MBTPS1: variants seen among roughly 807,000 people sequenced by gnomAD.
The protein encoded by MBTPS1 is membrane-bound transcription factor site-1 protease.
A neutral mutation model predicts 127.8 loss-of-function variants in MBTPS1; 94 were observed. The observed-to-expected ratio is 0.74, with a 90% CI of 0.62 to 0.87. The LOEUF (loss-of-function observed/expected upper bound fraction) is 0.87, where lower values mean the gene tolerates loss of function less well. Ranked by LOEUF, MBTPS1 falls within the 40% of genes least tolerant of loss-of-function variation. The pLI is 0.00. For missense variants in MBTPS1, 1,636 were observed against 1,353.2 expected, an observed-to-expected ratio of 1.21 and a Z score of -3.28; for synonymous variants, 632 against 509.4, an observed-to-expected ratio of 1.24 and a Z score of -3.24.
intron 1 of MBTPS1, chr16:84,110,611 C>T (rs1192723271): frequency 6.6e-6 from 1 of 152,210 alleles, no homozygotes; most frequent in East Asian, 1.9e-4. Flanking sequence ...AGGTGCCATT[C>T]TAAGTAGTCT....
chr16:84,084,110 C>A (rs1297299217), intron 10 of MBTPS1, among the ~76,000 whole-genome samples: 1 of 152,192 alleles, frequency 6.6e-6, no homozygotes, highest in Non-Finnish European at 1.5e-5. Flanking sequence ...CAGCCGCCCA[C>A]CACCACACCT....
At chr16:84,104,590 T>G (rs1217191896) in intron 1 of MBTPS1, among the ~76,000 whole-genome samples, 3 of 152,208 alleles carry the variant, frequency 2.0e-5, no homozygotes, top group African/African-American at 7.2e-5. Flanking sequence ...GAGAAAATCT[T>G]AGACCTAACT....
chr16:84,097,867 T>C (rs2086198952), intron 3 of MBTPS1, among the ~76,000 whole-genome samples: 1 of 151,602 alleles, frequency 6.6e-6, no homozygotes, highest in African/African-American at 2.4e-5. Flanking sequence ...TGTGTGTGTG[T>C]GTGTTTGTGT....
At chr16:84,086,575 C>A (rs2086030274) in intron 9 of MBTPS1, 1 of 152,270 alleles carries the variant, frequency 6.6e-6, no homozygotes, top group Non-Finnish European at 1.5e-5. Context: ...AAGGCTCAGG[C>A]AGAAGGCTAT....
intron 1 of MBTPS1, among the ~76,000 whole-genome samples, chr16:84,113,502 G>C (rs924853583): frequency 6.6e-6 from 1 of 152,242 alleles, no homozygotes; most frequent in Non-Finnish European, 1.5e-5. Context: ...GTAGAAGGGA[G>C]ACTCAGTAGA....
At chr16:84,068,092 G>A (rs962110990) in intron 15 of MBTPS1, among the ~76,000 whole-genome samples, 1 of 152,240 alleles carries the variant, frequency 6.6e-6, no homozygotes, top group African/African-American at 2.4e-5. Context: ...TAGCAGAGCT[G>A]CTTTTAACTT....
At chr16:84,074,228 G>A (rs1481438086) in intron 12 of MBTPS1, among the ~76,000 whole-genome samples, 1 of 151,814 alleles carries the variant, frequency 6.6e-6, no homozygotes, top group Non-Finnish European at 1.5e-5. Context: ...CCCTAGACAG[G>A]GCTATTTCCT....
At chr16:84,066,167 G>A (rs750712099) in intron 17 of MBTPS1, among the ~76,000 whole-genome samples, 4 of 152,144 alleles carry the variant, frequency 2.6e-5, no homozygotes, top group Admixed American at 2.6e-4. Context: ...CTTCCTACAC[G>A]GGAAACACAA....
intron 2 of MBTPS1, among the ~76,000 whole-genome samples, 179 bp downstream of exon 2, chr16:84,101,442 G>A (rs2086253480): frequency 6.6e-6 from 1 of 150,820 alleles, no homozygotes; most frequent in African/African-American, 2.4e-5. Context: ...AGTGAGCCGA[G>A]ATCATGCCAC....
intron 12 of MBTPS1, among the ~76,000 whole-genome samples, chr16:84,074,329 G>A (rs1205243342): frequency 6.6e-6 from 1 of 151,296 alleles, no homozygotes; most frequent in South Asian, 2.1e-4. Context: ...CAACCTCCTA[G>A]ACTCAAGTGA....
chr16:84,103,584 C>G (rs1226449692), intron 1 of MBTPS1, among the ~76,000 whole-genome samples: 1 of 152,054 alleles, frequency 6.6e-6, no homozygotes, highest in Non-Finnish European at 1.5e-5. Context: ...ACATTAAGGA[C>G]AAGGAGTTAA....
chr16:84,085,474 G>A (rs1405515642), intron 9 of MBTPS1, among the ~76,000 whole-genome samples: 1 of 151,792 alleles, frequency 6.6e-6, no homozygotes, highest in African/African-American at 2.4e-5. Flanking sequence ...AGGATCACCT[G>A]AGCCCGGGAG....
At chr16:84,065,112 T>C (rs1010376473) in intron 18 of MBTPS1, among the ~76,000 whole-genome samples, 2 of 150,484 alleles carry the variant, frequency 1.3e-5, no homozygotes, top group African/African-American at 2.5e-5. Flanking sequence ...TCAAGTAACC[T>C]TGAAGGTAGT....
At chr16:84,054,925 C>T (rs926990507) in intron 22 of MBTPS1, among the ~76,000 whole-genome samples, 2 of 152,164 alleles carry the variant, frequency 1.3e-5, no homozygotes, top group South Asian at 4.1e-4. Flanking sequence ...TCAGGCCCAG[C>T]TATGCTTCTG....
chr16:84,097,864 GTGTGTGTT>G (rs1009478736), intron 3 of MBTPS1, among the ~76,000 whole-genome samples: 4 of 151,542 alleles, frequency 2.6e-5, no homozygotes, highest in African/African-American at 7.3e-5. Context: ...GTGTGTGTGT[GTGTGTGTT>G]TGTGTGTGTG....
chr16:84,085,611 CACT>C (rs567227321), intron 9 of MBTPS1, among the ~76,000 whole-genome samples: 17 of 120,354 alleles, frequency 1.4e-4, no homozygotes, highest in African/African-American at 4.5e-4. Context: ...CAAAGAAATT[CACT>C]ACAATACAGA....
At chr16:84,115,183 T>C (rs926869246) in intron 1 of MBTPS1, among the ~76,000 whole-genome samples, 3 of 152,140 alleles carry the variant, frequency 2.0e-5, no homozygotes, top group African/African-American at 7.2e-5. Context: ...CGCCTCGGCC[T>C]CCCAAATTGT....
chr16:84,081,937 T>C, intron 10 of MBTPS1, 29 bp from the exon 11 acceptor site: 3 of 1,347,528 alleles, frequency 2.2e-6, no homozygotes, highest in South Asian at 2.2e-5. Flanking sequence ...ATTGCCTATT[T>C]TCTCTCAGTA....
At chr16:84,076,489 G>A (rs1471819401) in intron 11 of MBTPS1, among the ~76,000 whole-genome samples, 1 of 152,154 alleles carries the variant, frequency 6.6e-6, no homozygotes, top group African/African-American at 2.4e-5. Context: ...AATTGGCAAG[G>A]AAGATGTAAA....
Sources: gnomAD v4.1 joint callset for allele counts (sites outside exome capture counted in the v4.1 genomes callset) on GRCh38, gnomAD v4.1.1 for gene constraint, MANE v1.5 for transcripts, NCBI Gene and HGNC (gene_info 2026-07-23, HGNC 2026-07-21) for gene names.